ZYG11B: variants seen among roughly 807,000 people sequenced by gnomAD.
The protein encoded by ZYG11B is zyg-11 family member B, cell cycle regulator.
In ZYG11B, 36 loss-of-function variants were observed where a neutral mutation model predicts 82.4. The observed-to-expected ratio is 0.44, with a 90% CI of 0.33 to 0.58. ZYG11B has a LOEUF of 0.58. Among genes scored for constraint, ZYG11B ranks in the 20% least tolerant of loss-of-function variants. ZYG11B has a pLI of 0.02. For missense variants in ZYG11B, 552 were observed against 895.6 expected, an observed-to-expected ratio of 0.62 and a Z score of 4.90; for synonymous variants, 303 against 312.8, an observed-to-expected ratio of 0.97 and a Z score of 0.33.
intron 10 of ZYG11B, 95 bp from the exon 11 acceptor site, chr1:52,813,441 C>G (rs1222965205): frequency 1.1e-6 from 1 of 923,592 alleles, no homozygotes; most frequent in Admixed American, 2.8e-5. Context: ...CTTTCACCTT[C>G]CTGAATTGCC....
rs532629287 is a variant in ZYG11B, at chr1:52,733,032, A to G, written c.30+6349A>G. Among the ~76,000 whole-genome samples, 23 of 152,346 alleles carry G rather than the reference A, an allele frequency of 1.5e-4. No individual in the cohort carries two copies. In the South Asian group the frequency reaches 2.7e-3, roughly 18 times the overall value. The stretch of plus-strand genomic sequence containing the variant: ...AGGTTATTTTCCTTAGATAAAGCTC[A>G]TGCGTGGAAGCAATTGTATACAAAG... On this transcript the variant is annotated intron_variant, in intron 1 of 13. Coordinates refer to ENST00000294353, the MANE Select transcript of ZYG11B (RefSeq NM_024646.3).
chr1:52,803,592 T>C (rs9662503), intron 10 of ZYG11B, among the ~76,000 whole-genome samples: 5,635 of 152,052 alleles, frequency 0.037, 322 homozygotes, highest in African/African-American at 0.13. Flanking sequence ...ACACTGAGCA[T>C]GTTTTACTTT....
intron 1 of ZYG11B, among the ~76,000 whole-genome samples, chr1:52,727,881 A>G (rs1366280782): frequency 6.6e-6 from 1 of 152,214 alleles, no homozygotes; most frequent in Non-Finnish European, 1.5e-5. Flanking sequence ...TGGGAGGAAT[A>G]AGGCAAAACT....
intron 1 of ZYG11B, 47 bp downstream of exon 1, chr1:52,726,730 C>A (rs1201394329): frequency 1.4e-6 from 2 of 1,435,954 alleles, no homozygotes; most frequent in East Asian, 3.0e-5. Flanking sequence ...GCCACCCTAG[C>A]CCCCGCCCGT....
intron 1 of ZYG11B, among the ~76,000 whole-genome samples, chr1:52,745,630 T>C (rs1644469499): frequency 7.7e-6 from 1 of 130,632 alleles, no homozygotes; most frequent in Non-Finnish European, 1.7e-5. Context: ...AGTGGCGCGA[T>C]CTTGGCTCAC....
chr1:52,726,884 A>G (rs1250142079), intron 1 of ZYG11B, among the ~76,000 whole-genome samples: 2 of 151,008 alleles, frequency 1.3e-5, no homozygotes, highest in Admixed American at 1.3e-4. Context: ...CCTTTAGGTG[A>G]CACCCCCTGA....
chr1:52,797,428 T>C lies in ZYG11B; in HGVS notation c.1485+644T>C, dbSNP rs1322617504. On this transcript the variant is annotated intron_variant, in intron 8 of 13. Transcript: ENST00000294353. ...AATATATATCATATATTATACATATTATATATAACATATATATTATATATC... is the reference window on the plus strand; with the variant it reads ...AATATATATCATATATTATACATATCATATATAACATATATATTATATATC... 8.1e-4 allele frequency among the ~76,000 whole-genome samples: 42 copies of C among 51,600 alleles called. No homozygotes were observed. The East Asian group carries it at 0.026, about 32-fold the overall frequency. 33.9% of individuals were successfully genotyped at this position (51,600 alleles called of 152,430 possible).
intron 1 of ZYG11B, among the ~76,000 whole-genome samples, chr1:52,750,580 C>G (rs116769848): frequency 0.018 from 2,670 of 152,214 alleles, 91 homozygotes; most frequent in African/African-American, 0.06. Context: ...ACTCTGGCAA[C>G]TATTTTTAAT....
At chr1:52,751,985 G>A (rs139474803) in intron 1 of ZYG11B, among the ~76,000 whole-genome samples, 2 of 150,580 alleles carry the variant, frequency 1.3e-5, no homozygotes, top group East Asian at 1.9e-4. Flanking sequence ...TTCCCTATAC[G>A]GAGCAATTCT....
intron 1 of ZYG11B, among the ~76,000 whole-genome samples, chr1:52,726,900 C>T (rs776261076): frequency 6.6e-6 from 1 of 152,080 alleles, no homozygotes; most frequent in Non-Finnish European, 1.5e-5. Flanking sequence ...CCTGAATCTC[C>T]CTTCTCCCCG....
At chr1:52,796,915 A>G (rs1645013675) in intron 8 of ZYG11B, 131 bp downstream of exon 8, 2 of 110,914 alleles carry the variant, frequency 1.8e-5, no homozygotes, top group South Asian at 4.8e-4. Context: ...TATATATTAT[A>G]TATTATATAT....
At chr1:52,752,485 G>T (rs1490248324) in intron 1 of ZYG11B, among the ~76,000 whole-genome samples, 1 of 152,180 alleles carries the variant, frequency 6.6e-6, no homozygotes, top group Non-Finnish European at 1.5e-5. Flanking sequence ...TTGGCCATTG[G>T]TTATTAACAA....
intron 1 of ZYG11B, among the ~76,000 whole-genome samples, chr1:52,741,984 C>T (rs11206002): frequency 0.12 from 18,299 of 152,142 alleles, 2,326 homozygotes; most frequent in African/African-American, 0.33. Context: ...CATAAAAAAT[C>T]TATTTCTATC....
chr1:52,803,488 A>G (rs1645116001), intron 10 of ZYG11B, among the ~76,000 whole-genome samples: 1 of 149,708 alleles, frequency 6.7e-6, no homozygotes, highest in Non-Finnish European at 1.5e-5. Context: ...GTGTGTGTAT[A>G]TATATATTTA....
chr1:52,753,834 G>A (rs907181686), intron 1 of ZYG11B, among the ~76,000 whole-genome samples: 1 of 152,158 alleles, frequency 6.6e-6, no homozygotes, highest in African/African-American at 2.4e-5. Context: ...GACCGCAGGT[G>A]ATCCACCCGC....
At position 52,813,519 on chromosome 1, in the gene ZYG11B, T is replaced by C. The variant is rs1645201097; in HGVS notation, c.1696-17T>C. The C allele has an allele frequency of 3.2e-6, 5 of 1,572,562 alleles. No homozygotes were observed. The highest frequency in any genetic ancestry group is 4.3e-6 in the Non-Finnish European group (5 of 1,155,590). On this transcript the variant is annotated splice_polypyrimidine_tract_variant and intron_variant, in intron 10 of 13. Transcript: ENST00000294353. ...TACATATTACATTAATTTTTATATT[T>C]TCTTTTTTTTTTCCAGAACAATATA...
chr1:52,817,816 T>TATATATATA (rs1160186535), intron 13 of ZYG11B, among the ~76,000 whole-genome samples: 4 of 8,118 alleles, frequency 4.9e-4, no homozygotes, highest in African/African-American at 8.4e-4. Flanking sequence ...TATATATATA[T>TATATATATA]TTTTTTTTTT....
At chr1:52,737,324 G>A (rs1644386112) in intron 1 of ZYG11B, among the ~76,000 whole-genome samples, 1 of 152,182 alleles carries the variant, frequency 6.6e-6, no homozygotes, top group Non-Finnish European at 1.5e-5. Context: ...TATAGCAGTT[G>A]TTTTCTGTGG....
At chr1:52,742,057 A>T (rs1390165074) in intron 1 of ZYG11B, among the ~76,000 whole-genome samples, 1 of 152,190 alleles carries the variant, frequency 6.6e-6, no homozygotes, top group Non-Finnish European at 1.5e-5. Flanking sequence ...TTTAGAAAAA[A>T]GTCACCCAAA....
Sources: allele counts gnomAD v4.1 joint callset (sites outside exome capture counted in the v4.1 genomes callset), GRCh38; gene constraint gnomAD v4.1.1; transcripts MANE v1.5; gene names NCBI Gene and HGNC (gene_info 2026-07-23, HGNC 2026-07-21).